Variants in PTPRT observed in about 807,000 individuals in gnomAD.
PTPRT encodes receptor-type tyrosine-protein phosphatase T.
Under a neutral mutation model 176.8 loss-of-function variants are expected in PTPRT, and 56 were observed. The ratio of observed to expected loss-of-function variants is 0.32; its 90% CI spans 0.26 to 0.40. The LOEUF is 0.40. PTPRT is among the 10% of genes least tolerant of loss of function. The pLI is 1.00. For synonymous variants in PTPRT, 783 were observed against 739.0 expected (o/e 1.06, Z -0.96); for missense variants, 1,540 against 1,908.2 (o/e 0.81, Z 3.60).
At chr20:42,676,410 G>A (rs1272671048) in intron 7 of PTPRT, among the ~76,000 whole-genome samples, 1 of 152,096 alleles carries the variant, frequency 6.6e-6, no homozygotes, top group South Asian at 2.1e-4. Context: ...CATGGTTCCT[G>A]TACTGATGGG....
intron 1 of PTPRT, among the ~76,000 whole-genome samples, chr20:43,038,732 A>C (rs534069444): frequency 1.3e-5 from 2 of 152,346 alleles, no homozygotes; most frequent in East Asian, 3.9e-4. Context: ...TGGAAATGAT[A>C]AAAGATTTTT....
intron 1 of PTPRT, among the ~76,000 whole-genome samples, chr20:43,152,315 C>T (rs2014382098): frequency 6.6e-6 from 1 of 152,142 alleles, no homozygotes; most frequent in Non-Finnish European, 1.5e-5. Flanking sequence ...CCCCTAGTAT[C>T]TTTGTTTTCT....
At chr20:42,321,929 C>T (rs2057803785) in intron 11 of PTPRT, among the ~76,000 whole-genome samples, 1 of 152,130 alleles carries the variant, frequency 6.6e-6, no homozygotes, top group African/African-American at 2.4e-5. Context: ...AAAAATTAGC[C>T]AGGCGCAGTG....
At chr20:42,723,518 T>G (rs928713908) in intron 6 of PTPRT, among the ~76,000 whole-genome samples, 2 of 152,154 alleles carry the variant, frequency 1.3e-5, no homozygotes, top group Non-Finnish European at 2.9e-5. Context: ...CCTGCCATGT[T>G]CAGTGCAGTT....
At chr20:42,904,226 A>C (rs1424935381) in intron 1 of PTPRT, among the ~76,000 whole-genome samples, 1 of 152,178 alleles carries the variant, frequency 6.6e-6, no homozygotes, top group Non-Finnish European at 1.5e-5. Flanking sequence ...AGATGATCCT[A>C]TGAGAGCAGC....
In PTPRT at chr20:42,472,427, A is replaced by G. The variant is rs775446676; in HGVS notation, c.1289T>C (p.Phe430Ser). 1 of 1,614,232 alleles carries G rather than the reference A, an allele frequency of 6.2e-7. No homozygotes were observed. Among genetic ancestry groups the G allele is most frequent in the Non-Finnish European group, 8.5e-7 (1 of 1,180,036 alleles). Residue 430 changes from phenylalanine to serine, a missense_variant, in exon 8 of 31, where the codon TTC (phenylalanine) becomes TCC (serine). Transcript: ENST00000373187. ...YNLTVQYQYV[F>S]NQQQYEAEEV... ...CTCGGCCTCGTACTGCTGCTGGTTG[A>G]ACACATACTGGTACTGCACGGTGAG...
At chr20:42,641,885 G>A (rs1350256379) in intron 7 of PTPRT, among the ~76,000 whole-genome samples, 1 of 152,136 alleles carries the variant, frequency 6.6e-6, no homozygotes, top group Admixed American at 6.5e-5. Flanking sequence ...GCTCTATCTT[G>A]ACTATGCAGC....
intron 15 of PTPRT, among the ~76,000 whole-genome samples, chr20:42,210,766 G>A: frequency 6.6e-6 from 1 of 152,138 alleles, no homozygotes; most frequent in Non-Finnish European, 1.5e-5. Context: ...AGTTACCAAT[G>A]ACTTTCTTCA....
intron 2 of PTPRT, among the ~76,000 whole-genome samples, chr20:42,792,327 A>T (rs1184800343): frequency 1.3e-5 from 2 of 152,196 alleles, no homozygotes; most frequent in Middle Eastern, 3.2e-3. Context: ...ATGCAGCTTT[A>T]TTGTGACAAT....
intron 7 of PTPRT, among the ~76,000 whole-genome samples, chr20:42,517,319 T>C (rs1361885886): frequency 1.3e-5 from 2 of 152,034 alleles, no homozygotes; most frequent in African/African-American, 4.8e-5. Flanking sequence ...GAGATTATAA[T>C]ATTATCTTTT....
At chr20:42,068,470 C>A (rs532060163), downstream of PTPRT, among the ~76,000 whole-genome samples, 2 of 152,298 alleles carry the variant, frequency 1.3e-5, no homozygotes, top group African/African-American at 4.8e-5. Context: ...AAATCCTCAG[C>A]ATACATTTCT....
intron 21 of PTPRT, among the ~76,000 whole-genome samples, chr20:42,117,171 G>C (rs1987331103): frequency 6.6e-6 from 1 of 152,094 alleles, no homozygotes. Flanking sequence ...AGTCTCACCT[G>C]GTCCTAAATT....
chr20:42,688,741 A>G (rs907904384), intron 6 of PTPRT, among the ~76,000 whole-genome samples: 1 of 152,200 alleles, frequency 6.6e-6, no homozygotes, highest in African/African-American at 2.4e-5. Context: ...TTTAACTCAC[A>G]CAGTGAGCTG....
intron 2 of PTPRT, among the ~76,000 whole-genome samples, chr20:42,821,985 C>T (rs978438829): frequency 4.6e-5 from 7 of 152,118 alleles, no homozygotes; most frequent in African/African-American, 1.2e-4. Context: ...CCATAATGCC[C>T]AAAGTAATTT....
chr20:42,762,903 T>G (rs956910223), intron 5 of PTPRT, among the ~76,000 whole-genome samples: 30 of 152,252 alleles, frequency 2.0e-4, no homozygotes, highest in Admixed American at 1.8e-3. Context: ...CCTTGCTCTT[T>G]AAAAACAACT....
chr20:42,649,535 A>G (rs1245550303), intron 7 of PTPRT, among the ~76,000 whole-genome samples: 3 of 152,094 alleles, frequency 2.0e-5, no homozygotes, highest in African/African-American at 7.2e-5. Context: ...ACCACATCCT[A>G]TAAGCCAAGT....
At chr20:42,193,045 C>A (rs144910895) in intron 16 of PTPRT, among the ~76,000 whole-genome samples, 150 of 152,270 alleles carry the variant, frequency 9.9e-4, no homozygotes, top group African/African-American at 3.2e-3. Flanking sequence ...AGAGAGACCG[C>A]TAAAGGTCAA....
At chr20:42,489,823 C>T (rs2071530834) in intron 7 of PTPRT, among the ~76,000 whole-genome samples, 1 of 152,106 alleles carries the variant, frequency 6.6e-6, no homozygotes, top group Admixed American at 6.5e-5. Context: ...AATCTTTGCC[C>T]AACTCTAGTC....
chr20:42,835,446 T>A (rs899505484), intron 2 of PTPRT, among the ~76,000 whole-genome samples: 1 of 152,032 alleles, frequency 6.6e-6, no homozygotes. Context: ...GATATCCAAA[T>A]GAAATAGAAA....
Sources: allele counts gnomAD v4.1 joint callset (sites outside exome capture counted in the v4.1 genomes callset), GRCh38; gene constraint gnomAD v4.1.1; transcripts MANE v1.5; gene names NCBI Gene and HGNC (gene_info 2026-07-23, HGNC 2026-07-21).